The following UPK1B variants were observed in gnomAD, a reference collection of about 807,000 sequenced individuals.
UPK1B encodes the protein uroplakin-1b.
In UPK1B, 28 loss-of-function variants were observed where a neutral mutation model predicts 34.2. That is an observed-to-expected ratio of 0.82 (90% CI 0.61 to 1.12). The LOEUF (loss-of-function observed/expected upper bound fraction) is 1.12, where lower values mean the gene tolerates loss of function less well. UPK1B is among the 50% of genes most tolerant of loss of function. The pLI, the probability that UPK1B is intolerant of heterozygous loss-of-function variation, is 0.00. For missense variants in UPK1B, 325 were observed against 320.9 expected (o/e 1.01, Z -0.10); for synonymous variants, 81 against 110.4 (o/e 0.73, Z 1.67).
In UPK1B at chr3:119,194,375, G is replaced by A. The variant is rs139903945; in HGVS notation, c.625G>A (p.Val209Met). The A allele has an allele frequency of 2.9e-5, 46 of 1,612,494 alleles. No homozygotes were observed. The highest frequency in any genetic ancestry group is 3.6e-5 in the Non-Finnish European group (43 of 1,179,680). Reference sequence around the variant, plus strand: ...CAACCTGGAGGCTTGTAAACTAGGCGTGCCTGGTTTTTATCACAATCAGGT... The same window carrying A: ...CAACCTGGAGGCTTGTAAACTAGGCATGCCTGGTTTTTATCACAATCAGGT... ...PLNLEACKLG[V>M]PGFYHNQGCY... Residue 209 changes from valine (V) to methionine (M), a missense_variant, in exon 6 of 8, where the codon GTG becomes ATG. Physicochemically the swap from Val to Met is conservative, Grantham distance 21 (BLOSUM62 1). Transcript: ENST00000264234.
intron 6 of UPK1B, among the ~76,000 whole-genome samples, chr3:119,198,099 C>T (rs538454750): frequency 9.3e-5 from 14 of 150,820 alleles, no homozygotes; most frequent in Non-Finnish European, 1.6e-4. Context: ...CCCCCACCCT[C>T]ACACACAAAT....
chr3:119,184,802 C>T (rs2078009497), intron 1 of UPK1B, among the ~76,000 whole-genome samples: 1 of 152,142 alleles, frequency 6.6e-6, no homozygotes, highest in African/African-American at 2.4e-5. Flanking sequence ...ATAATCAGTA[C>T]GAGTTGATAT....
At chr3:119,187,094 C>T in intron 2 of UPK1B, among the ~76,000 whole-genome samples, 1 of 152,202 alleles carries the variant, frequency 6.6e-6, no homozygotes. Flanking sequence ...ACTACGAACA[C>T]ACTTCACTAT....
chr3:119,187,718 C>A, intron 2 of UPK1B, 57 bp from the exon 3 acceptor site: 9 of 1,502,218 alleles, frequency 6.0e-6, no homozygotes, highest in Non-Finnish European at 8.3e-6. Flanking sequence ...TCCCCACCCT[C>A]CACCCCCTTT....
intron 1 of UPK1B, among the ~76,000 whole-genome samples, chr3:119,179,805 CTTTTTTTTTTTTTTTT>C (rs869040325): frequency 2.2e-4 from 11 of 50,600 alleles, no homozygotes; most frequent in African/African-American, 7.5e-4. Context: ...CCACGCCCGG[CTTTTTTTTTTTTTTTT>C]TTTTTTTTTT....
At position 119,203,667 on chromosome 3, in the gene UPK1B, G is replaced by C. The variant is rs148904486; in HGVS notation, c.733-250G>C. 2.7e-3 allele frequency among the ~76,000 whole-genome samples: 417 copies of C among 152,298 alleles called. 1 individual carries two copies. The highest frequency in any genetic ancestry group is 4.8e-3 in the Non-Finnish European group (324 of 68,032). On this transcript the variant is annotated intron_variant, in intron 7 of 7. Coordinates refer to ENST00000264234, the MANE Select transcript of UPK1B (RefSeq NM_006952.4). The stretch of plus-strand genomic sequence containing the variant: ...CCTGCTGAGGGGTGAGGAGTGAGGA[G>C]AAGGGAACTTAGAGGATGGGTCAAC...
At chr3:119,203,504 A>G (rs2078103591) in intron 7 of UPK1B, among the ~76,000 whole-genome samples, 1 of 152,166 alleles carries the variant, frequency 6.6e-6, no homozygotes, top group Non-Finnish European at 1.5e-5. Flanking sequence ...TTGCAGGGAC[A>G]TGGATGAAGC....
At chr3:119,188,830 C>T (rs2078031302) in intron 3 of UPK1B, among the ~76,000 whole-genome samples, 1 of 152,182 alleles carries the variant, frequency 6.6e-6, no homozygotes, top group Admixed American at 6.6e-5. Flanking sequence ...ACCTCAGTTC[C>T]CCCTTTATAG....
intron 6 of UPK1B, 122 bp from the exon 7 acceptor site, chr3:119,198,935 C>A: frequency 9.6e-7 from 1 of 1,042,204 alleles, no homozygotes. Flanking sequence ...GTGGAAATAG[C>A]CTGGATATGT....
intron 6 of UPK1B, among the ~76,000 whole-genome samples, chr3:119,197,473 A>G (rs1308543138): frequency 1.2e-4 from 18 of 152,202 alleles, no homozygotes; most frequent in Admixed American, 1.1e-3. Context: ...CCTTATATAT[A>G]TATTATTAGA....
chr3:119,191,045 A>G lies in UPK1B; in HGVS notation c.409A>G (p.Asn137Asp), dbSNP rs78761311. 15,385 of 1,614,010 alleles carry G rather than the reference A, an allele frequency of 9.5e-3. 479 individuals are homozygous for G. The East Asian group carries it at 0.12, about 13-fold the overall frequency. Residue 137 changes from asparagine (N) to aspartate (D), a missense_variant, in exon 5 of 8, where the codon AAT becomes GAT. By Grantham distance (23) the Asn-to-Asp change is conservative (BLOSUM62 1). Coordinates refer to ENST00000264234, the MANE Select transcript of UPK1B (RefSeq NM_006952.4). ...ERYQNNSPPNNDDQWKNNGVT... is the reference protein window; with the variant it reads ...ERYQNNSPPNDDDQWKNNGVT... ...GTACCAAAACAACAGCCCTCCAAAC[A>G]ATGATGACCAGTGGAAAAACAATGG... is the stretch of plus-strand genomic sequence containing the variant.
At chr3:119,192,153 C>T (rs375415040) in intron 5 of UPK1B, among the ~76,000 whole-genome samples, 1 of 152,170 alleles carries the variant, frequency 6.6e-6, no homozygotes, top group African/African-American at 2.4e-5. Flanking sequence ...CCATTAATTT[C>T]TATCATTTCT....
At chr3:119,202,732 A>G (rs912499707) in intron 7 of UPK1B, among the ~76,000 whole-genome samples, 1 of 152,202 alleles carries the variant, frequency 6.6e-6, no homozygotes, top group African/African-American at 2.4e-5. Context: ...ATTCCAGGGC[A>G]CAAGCATTTT....
At chr3:119,203,423 G>A (rs1173188493) in intron 7 of UPK1B, among the ~76,000 whole-genome samples, 1 of 150,354 alleles carries the variant, frequency 6.7e-6, no homozygotes, top group Non-Finnish European at 1.5e-5. Flanking sequence ...GCAATAGACT[G>A]GATAAAGAAA....
chr3:119,178,120 G>T (rs942723279), intron 1 of UPK1B, among the ~76,000 whole-genome samples: 1 of 152,206 alleles, frequency 6.6e-6, no homozygotes, highest in African/African-American at 2.4e-5. Context: ...AAAATGGCAG[G>T]CAGGCCATTT....
rs1233034570 is a variant in UPK1B, at chr3:119,203,929, C to T, written c.745C>T (p.Leu249=). The T allele has an allele frequency of 6.2e-7, 1 of 1,613,914 alleles. No individual in the cohort carries two copies. ...TTTTCTATTCCAGTTTTGGGTTCTC[C>T]TGGGTACCATGTTCTACTGGAGCAG... ...AILCWTFWVL[L]GTMFYWSRIE... Residue 249 remains leucine, a synonymous_variant, in exon 8 of 8, where the codon CTG becomes TTG. Coordinates refer to ENST00000264234, the MANE Select transcript of UPK1B (RefSeq NM_006952.4).
chr3:119,202,899 C>A (rs1235073598), intron 7 of UPK1B, among the ~76,000 whole-genome samples: 1 of 152,110 alleles, frequency 6.6e-6, no homozygotes, highest in Non-Finnish European at 1.5e-5. Flanking sequence ...CCCCAGAAGA[C>A]AAGGAATCTA....
At chr3:119,200,099 C>T (rs115266657) in intron 7 of UPK1B, among the ~76,000 whole-genome samples, 8,347 of 152,094 alleles carry the variant, frequency 0.055, 298 homozygotes, top group South Asian at 0.12. Flanking sequence ...AATATGTTGC[C>T]TAGGTTGAAT....
rs1241621208 is a variant in UPK1B, at chr3:119,190,320, G to A, written c.345+1G>A. The A allele has an allele frequency of 3.1e-6, 5 of 1,608,542 alleles. No individual in the cohort carries two copies. Among genetic ancestry groups the A allele is most frequent in the Non-Finnish European group, 4.3e-6 (5 of 1,175,866 alleles). On this transcript the variant is annotated splice_donor_variant, in intron 4 of 7. Transcript: ENST00000264234. LOFTEE classifies it high-confidence loss of function. ...CACAGCAGCAACACAACAAGACTTT[G>A]TGAGTACAACCTCAAAAAGCAAAAT... is the stretch of plus-strand genomic sequence containing the variant.
Sources: gnomAD v4.1 joint callset for allele counts (sites outside exome capture counted in the v4.1 genomes callset) on GRCh38, gnomAD v4.1.1 for gene constraint, MANE v1.5 for transcripts, NCBI Gene and HGNC (gene_info 2026-07-23, HGNC 2026-07-21) for gene names.